Variants in PEBP4 observed in about 807,000 individuals in gnomAD.
The protein encoded by PEBP4 is phosphatidylethanolamine binding protein 4, also known as phosphatidylethanolamine-binding protein 4.
In PEBP4, 22 loss-of-function variants were observed where a neutral mutation model predicts 23.9. The observed-to-expected ratio is 0.92, with a 90% CI of 0.66 to 1.31. PEBP4 has a LOEUF of 1.31. PEBP4 is among the 40% of genes most tolerant of loss of function. The pLI, the probability that PEBP4 is intolerant of heterozygous loss-of-function variation, is 0.00. For synonymous variants in PEBP4, 112 were observed against 99.3 expected (o/e 1.13, Z -0.76); for missense variants, 324 against 281.7 (o/e 1.15, Z -1.07).
chr8:22,892,241 G>A (rs554218089), intron 3 of PEBP4, among the ~76,000 whole-genome samples: 5 of 152,236 alleles, frequency 3.3e-5, no homozygotes, highest in Non-Finnish European at 5.9e-5. Context: ...TAAATGACAC[G>A]TATGGATTGT....
chr8:22,931,793 A>C (rs553041128), upstream of PEBP4, among the ~76,000 whole-genome samples: 12 of 151,276 alleles, frequency 7.9e-5, no homozygotes, highest in Admixed American at 6.6e-4. Context: ...TCCTTCCTCT[A>C]CCCTCTTGTT....
At chr8:22,786,203 C>CTCTA in intron 4 of PEBP4, among the ~76,000 whole-genome samples, 1 of 152,164 alleles carries the variant, frequency 6.6e-6, no homozygotes, top group Non-Finnish European at 1.5e-5. Context: ...CACTCTAATA[C>CTCTA]ATTATGTATT....
In PEBP4 at chr8:22,845,767, C is replaced by A. The variant is rs368715231; in HGVS notation, c.259-28032G>T. 3.5e-4 allele frequency among the ~76,000 whole-genome samples: 53 copies of A among 152,386 alleles called. No individual in the cohort carries two copies. In the South Asian group the frequency reaches 0.011, roughly 32 times the overall value. On this transcript the variant is annotated intron_variant, in intron 3 of 6. Transcript: ENST00000256404. ...ATGCCCCATAAGGCGCCTCTCGCCT[C>A]CTTAAGCCACTATCAGGCATTATTG... is the stretch of plus-strand genomic sequence containing the variant.
chr8:22,746,251 G>T (rs543311007), intron 4 of PEBP4, among the ~76,000 whole-genome samples: 327 of 152,300 alleles, frequency 2.1e-3, no homozygotes, highest in African/African-American at 7.4e-3. Flanking sequence ...GTGAATCCAG[G>T]TGCTGAGGTG....
Position 22,713,419 on chromosome 8 carries a change from CTT to C in PEBP4, c.633_634del (p.Arg212GlyfsTer50). 6.2e-7 allele frequency: 1 copy of C among 1,611,844 alleles called. No homozygotes were observed. On this transcript the variant is annotated frameshift_variant, in exon 7 of 7. Coordinates refer to ENST00000256404, the MANE Select transcript of PEBP4 (RefSeq NM_144962.3). LOFTEE classifies it low-confidence loss of function (END_TRUNC). ...GTTTTTGTGCTTGGGCTCGCTGGCC[CTT>C]TCTCTGGGAGCCTGGAGGGTTGGTG...
intron 4 of PEBP4, chr8:22,755,977 C>T (rs1805371954): frequency 6.6e-6 from 1 of 152,216 alleles, no homozygotes; most frequent in Non-Finnish European, 1.5e-5. Flanking sequence ...TTTGAAGCTC[C>T]TGCAATGCCT....
At chr8:22,749,866 G>A (rs1031803347) in intron 4 of PEBP4, among the ~76,000 whole-genome samples, 1 of 137,190 alleles carries the variant, frequency 7.3e-6, no homozygotes, top group Non-Finnish European at 1.5e-5. Flanking sequence ...GAATGCAATG[G>A]CACGATGTTG....
chr8:22,936,996 C>T (rs1809549966), intron 1 of PEBP4, among the ~76,000 whole-genome samples: 1 of 152,124 alleles, frequency 6.6e-6, no homozygotes, highest in Non-Finnish European at 1.5e-5. Flanking sequence ...ACAACATACT[C>T]AATGGTGACA....
At chr8:22,799,427 T>A (rs1806335800) in intron 4 of PEBP4, among the ~76,000 whole-genome samples, 1 of 152,228 alleles carries the variant, frequency 6.6e-6, no homozygotes, top group Non-Finnish European at 1.5e-5. Context: ...CTAAAGCCAA[T>A]GGGGAAGATA....
intron 3 of PEBP4, among the ~76,000 whole-genome samples, chr8:22,910,132 A>G (rs1388681728): frequency 1.3e-5 from 2 of 151,904 alleles, no homozygotes; most frequent in African/African-American, 2.4e-5. Flanking sequence ...GAGTCGTTTT[A>G]TCTCTAAGGG....
At chr8:22,792,464 G>A (rs895196362) in intron 4 of PEBP4, among the ~76,000 whole-genome samples, 8 of 152,112 alleles carry the variant, frequency 5.3e-5, no homozygotes, top group Non-Finnish European at 7.4e-5. Flanking sequence ...GTATCGGTCC[G>A]TGTCCTTGGT....
chr8:22,779,395 C>T (rs1805874476), intron 4 of PEBP4, among the ~76,000 whole-genome samples: 1 of 151,942 alleles, frequency 6.6e-6, no homozygotes, highest in South Asian at 2.1e-4. Context: ...AGGAGGTGGT[C>T]AAGGGAGAGG....
intron 4 of PEBP4, among the ~76,000 whole-genome samples, chr8:22,801,286 G>A (rs1337003680): frequency 6.6e-6 from 1 of 152,164 alleles, no homozygotes; most frequent in Non-Finnish European, 1.5e-5. Flanking sequence ...CCTATGGGGT[G>A]CATGGTGTCT....
chr8:22,823,342 T>A (rs1335222472), intron 3 of PEBP4, among the ~76,000 whole-genome samples: 2 of 151,882 alleles, frequency 1.3e-5, no homozygotes, highest in Non-Finnish European at 2.9e-5. Flanking sequence ...ACTTCCATAT[T>A]TAAATATGAA....
At chr8:22,917,379 G>A (rs1809099310) in intron 3 of PEBP4, among the ~76,000 whole-genome samples, 1 of 152,168 alleles carries the variant, frequency 6.6e-6, no homozygotes, top group Non-Finnish European at 1.5e-5. Context: ...CTTAAGGGAA[G>A]CTCCAACTAC....
intron 4 of PEBP4, among the ~76,000 whole-genome samples, chr8:22,731,461 T>G (rs185106810): frequency 2.0e-3 from 310 of 152,366 alleles, no homozygotes; most frequent in African/African-American, 7.0e-3. Context: ...GAGTACAGTA[T>G]AGAATACATA....
At chr8:22,898,157 C>T (rs937958734) in intron 3 of PEBP4, among the ~76,000 whole-genome samples, 7 of 152,006 alleles carry the variant, frequency 4.6e-5, no homozygotes, top group Admixed American at 1.3e-4. Flanking sequence ...TTTGGGAAGC[C>T]GAGGCGGGTG....
chr8:22,755,385 C>T (rs1239069143), intron 4 of PEBP4, among the ~76,000 whole-genome samples: 1 of 143,132 alleles, frequency 7.0e-6, no homozygotes, highest in Non-Finnish European at 1.5e-5. Context: ...ACCCAGGCTG[C>T]CGCGCAGTGG....
chr8:22,799,789 T>A lies in PEBP4; in HGVS notation c.357+17848A>T, dbSNP rs144909332. ...TCATTGTTCAATTCCCACCTATGAG[T>A]GAGAACACGCGGTGTAAGGATCTAG... On this transcript the variant is annotated intron_variant, in intron 4 of 6. Coordinates refer to ENST00000256404, the MANE Select transcript of PEBP4 (RefSeq NM_144962.3). Among the ~76,000 whole-genome samples the A allele has an allele frequency of 3.6e-4, 55 of 152,116 alleles. No individual in the cohort carries two copies. In the East Asian group the frequency reaches 5.4e-3, roughly 15 times the overall value.
Sources: allele counts gnomAD v4.1 joint callset (sites outside exome capture counted in the v4.1 genomes callset), GRCh38; gene constraint gnomAD v4.1.1; transcripts MANE v1.5; gene names NCBI Gene and HGNC (gene_info 2026-07-23, HGNC 2026-07-21).